NWD2: variants seen among roughly 807,000 people sequenced by gnomAD.
NWD2 encodes the protein NACHT and WD repeat domain-containing protein 2.
Under a neutral mutation model 132.7 loss-of-function variants are expected in NWD2, and 37 were observed. That is an observed-to-expected ratio of 0.28 (90% CI 0.21 to 0.37). The LOEUF is 0.37. Ranked by LOEUF, NWD2 falls within the 10% of genes least tolerant of loss-of-function variation. The pLI is 1.00. For synonymous variants in NWD2, 705 were observed against 803.0 expected, an observed-to-expected ratio of 0.88 and a Z score of 2.06; for missense variants, 1,592 against 2,122.4, an observed-to-expected ratio of 0.75 and a Z score of 4.91.
chr4:37,259,882 T>C (rs907041063), intron 1 of NWD2, among the ~76,000 whole-genome samples: 1 of 152,166 alleles, frequency 6.6e-6, no homozygotes, highest in Non-Finnish European at 1.5e-5. Flanking sequence ...AGAAGAGAGA[T>C]GAGATTTCCG....
At chr4:37,283,187 T>C (rs1577654859) in intron 1 of NWD2, among the ~76,000 whole-genome samples, 3 of 152,256 alleles carry the variant, frequency 2.0e-5, no homozygotes, top group East Asian at 3.9e-4. Flanking sequence ...CCAGTAAAAA[T>C]GTGTAAATTA....
chr4:37,286,128 A>AT (rs1560385355), intron 1 of NWD2, among the ~76,000 whole-genome samples: 2 of 152,346 alleles, frequency 1.3e-5, no homozygotes, highest in East Asian at 3.9e-4. Flanking sequence ...CATAATGTTT[A>AT]TTTTCAAATA....
intron 2 of NWD2, among the ~76,000 whole-genome samples, chr4:37,349,097 G>A (rs1414149484): frequency 6.6e-6 from 1 of 152,064 alleles, no homozygotes; most frequent in Non-Finnish European, 1.5e-5. Flanking sequence ...GGGCATTCGG[G>A]TTGGTTCCAA....
In NWD2 at chr4:37,445,252, C is replaced by T. The variant is rs76049455; in HGVS notation, c.3264C>T (p.Tyr1088=). The T allele has an allele frequency of 0.032, 49,804 of 1,551,856 alleles. 914 individuals are homozygous for T. The highest frequency in any genetic ancestry group is 0.077 in the Middle Eastern group (464 of 5,992). ...SKDVTVIDLL[Y]GWPLYQFHCW... Reference sequence around the variant, plus strand: ...ATGTCACTGTCATCGATCTGCTGTACGGATGGCCGCTTTACCAGTTCCACT... The same window carrying T: ...ATGTCACTGTCATCGATCTGCTGTATGGATGGCCGCTTTACCAGTTCCACT... The change falls in exon 7 of 7, where the codon TAC becomes TAT. Residue 1088 remains tyrosine (Y), a synonymous_variant. Coordinates refer to ENST00000309447, the MANE Select transcript of NWD2 (RefSeq NM_001144990.2). This position sits in a 1 kb window ranked among gnomAD's most constrained non-coding sequence, Gnocchi z 4.7.
chr4:37,277,722 C>T (rs1393181744), intron 1 of NWD2, among the ~76,000 whole-genome samples: 1 of 152,016 alleles, frequency 6.6e-6, no homozygotes, highest in Non-Finnish European at 1.5e-5. Context: ...GAGACAGTTT[C>T]TACTGACTAC....
intron 1 of NWD2, among the ~76,000 whole-genome samples, chr4:37,323,372 A>T (rs962512724): frequency 6.6e-6 from 1 of 152,208 alleles, no homozygotes; most frequent in Non-Finnish European, 1.5e-5. Flanking sequence ...CCCCATTACA[A>T]ACAGACAAAG....
chr4:37,443,950 T>G lies in NWD2; in HGVS notation c.1962T>G (p.Gly654=). 6.4e-7 allele frequency: 1 copy of G among 1,552,300 alleles called. No individual in the cohort carries two copies. Among genetic ancestry groups the G allele is most frequent in the Non-Finnish European group, 8.7e-7 (1 of 1,147,150 alleles). Residue 654 remains glycine, a synonymous_variant, in exon 7 of 7, where the codon GGT becomes GGG. Transcript: ENST00000309447. This position sits in a 1 kb window ranked among gnomAD's most constrained non-coding sequence, Gnocchi z 4.1. ...TCTGGTCCTTGGAGAAGAAGTGTGG[T>G]CAGAAACTGGTCTCTAGGGCTCTTG... is the stretch of plus-strand genomic sequence containing the variant. ...QLFWSLEKKC[G]QKLVSRALGY...
At chr4:37,261,826 C>T (rs1485305128) in intron 1 of NWD2, among the ~76,000 whole-genome samples, 3 of 152,142 alleles carry the variant, frequency 2.0e-5, no homozygotes, top group South Asian at 2.1e-4. Context: ...TCCCAGTTAA[C>T]GGGTGGTCAT....
chr4:37,258,807 G>C (rs1168744164), intron 1 of NWD2, among the ~76,000 whole-genome samples: 1 of 152,220 alleles, frequency 6.6e-6, no homozygotes, highest in Non-Finnish European at 1.5e-5. Context: ...CTCATTCTCT[G>C]TCCCTTGTGC....
chr4:37,328,362 A>T (rs1719217364), intron 2 of NWD2, among the ~76,000 whole-genome samples: 1 of 152,094 alleles, frequency 6.6e-6, no homozygotes. Context: ...CATCATCTAC[A>T]TTAGCTATTT....
At chr4:37,441,981 T>C (rs1344960281) in intron 6 of NWD2, among the ~76,000 whole-genome samples, 2 of 152,170 alleles carry the variant, frequency 1.3e-5, no homozygotes, top group Non-Finnish European at 2.9e-5. Context: ...AAGCAATCAA[T>C]GTAGAAACAA....
intron 1 of NWD2, among the ~76,000 whole-genome samples, chr4:37,303,711 G>T (rs182943135): frequency 1.3e-5 from 2 of 152,074 alleles, no homozygotes; most frequent in Non-Finnish European, 2.9e-5. Context: ...TTACAAATGC[G>T]ATTGATTTCT....
chr4:37,400,701 G>A (rs1043166327), intron 3 of NWD2, among the ~76,000 whole-genome samples: 1 of 152,174 alleles, frequency 6.6e-6, no homozygotes. Flanking sequence ...AAACAAAATG[G>A]AAAGTGTGTG....
intron 1 of NWD2, among the ~76,000 whole-genome samples, chr4:37,310,160 A>C (rs1056013212): frequency 3.9e-5 from 6 of 152,236 alleles, no homozygotes; most frequent in Non-Finnish European, 8.8e-5. Context: ...AAAAGTCACC[A>C]AGATTTAATA....
chr4:37,428,218 G>C (rs186918067), intron 3 of NWD2, among the ~76,000 whole-genome samples: 2 of 152,304 alleles, frequency 1.3e-5, no homozygotes, highest in African/African-American at 4.8e-5. Flanking sequence ...ATACTGGATA[G>C]GCAATAGAAG....
At chr4:37,268,593 T>A (rs769509817) in intron 1 of NWD2, among the ~76,000 whole-genome samples, 18 of 151,928 alleles carry the variant, frequency 1.2e-4, no homozygotes, top group Non-Finnish European at 2.4e-4. Context: ...ATAAGACAAT[T>A]ATAAATGTAA....
chr4:37,248,077 A>G (rs1346523476), intron 1 of NWD2, among the ~76,000 whole-genome samples: 2 of 152,246 alleles, frequency 1.3e-5, no homozygotes, highest in African/African-American at 4.8e-5. Context: ...ACCACTTGCC[A>G]GAATTCATAT....
At chr4:37,310,918 A>G (rs1718827550) in intron 1 of NWD2, among the ~76,000 whole-genome samples, 3 of 151,452 alleles carry the variant, frequency 2.0e-5, no homozygotes, top group African/African-American at 7.3e-5. Context: ...TTTACTGAGA[A>G]TGATGATTTC....
At chr4:37,339,107 CA>C (rs1034147289) in intron 2 of NWD2, among the ~76,000 whole-genome samples, 17 of 152,318 alleles carry the variant, frequency 1.1e-4, no homozygotes, top group African/African-American at 3.8e-4. Context: ...CTTCACATTT[CA>C]GTCATGTCCA....
Sources: allele counts gnomAD v4.1 joint callset (sites outside exome capture counted in the v4.1 genomes callset), GRCh38; gene constraint gnomAD v4.1.1; non-coding constraint Gnocchi (gnomAD v3.1); transcripts MANE v1.5; gene names NCBI Gene and HGNC (gene_info 2026-07-23, HGNC 2026-07-21).